The following CRK variants were observed in gnomAD, a reference collection of about 807,000 sequenced individuals.
The protein encoded by CRK is CRK proto-oncogene, adaptor protein.
Under a neutral mutation model 29.8 loss-of-function variants are expected in CRK, and 4 were observed. The ratio of observed to expected loss-of-function variants is 0.13; its 90% CI spans 0.07 to 0.31. The LOEUF (loss-of-function observed/expected upper bound fraction) is 0.31. Among genes scored for constraint, CRK ranks in the 10% least tolerant of loss-of-function variants. CRK has a pLI of 1.00. For missense variants in CRK, 274 were observed against 396.5 expected (o/e 0.69, Z 2.62); for synonymous variants, 153 against 164.9 (o/e 0.93, Z 0.55).
intron 2 of CRK, among the ~76,000 whole-genome samples, chr17:1,425,701 G>A (rs1019577521): frequency 1.2e-4 from 18 of 152,214 alleles, no homozygotes; most frequent in African/African-American, 2.9e-4. Flanking sequence ...AAGTCCAGCC[G>A]CAGGGCCTCT....
intron 1 of CRK, among the ~76,000 whole-genome samples, chr17:1,439,383 G>A (rs903602137): frequency 3.3e-5 from 5 of 152,070 alleles, no homozygotes; most frequent in African/African-American, 1.2e-4. Context: ...TTACAGGTGT[G>A]GGCCACTGCA....
rs529265763 is a variant in CRK, at chr17:1,434,392, C to T, written c.777+2228G>A. ...TGGTTCTGGTGTGAGTCACAAAGAT[C>T]TCTAGCTCAACTGATAATGCCTGAA... On this transcript the variant is annotated intron_variant, in intron 2 of 2. Transcript: ENST00000300574. Among the ~76,000 whole-genome samples, 16 of 152,284 alleles carry T rather than the reference C, an allele frequency of 1.1e-4. No homozygotes were observed. In the South Asian group the frequency reaches 3.1e-3, roughly 30 times the overall value.
intron 1 of CRK, among the ~76,000 whole-genome samples, chr17:1,451,319 C>T (rs1182546855): frequency 6.6e-6 from 1 of 151,884 alleles, no homozygotes; most frequent in Non-Finnish European, 1.5e-5. Context: ...CAACCTCTGC[C>T]TCCGGGGTTC....
intron 1 of CRK, among the ~76,000 whole-genome samples, chr17:1,453,992 G>T (rs1043017986): frequency 1.3e-5 from 2 of 152,114 alleles, no homozygotes; most frequent in Non-Finnish European, 2.9e-5. Context: ...CCTGAGATCA[G>T]GAGTTCAAGA....
chr17:1,447,839 A>G (rs1219193974), intron 1 of CRK, among the ~76,000 whole-genome samples: 3 of 151,246 alleles, frequency 2.0e-5, no homozygotes, highest in Non-Finnish European at 4.4e-5. Context: ...CTGGTCTCGA[A>G]CTCCTGACCT....
chr17:1,453,904 G>A (rs909450225), intron 1 of CRK, among the ~76,000 whole-genome samples: 2 of 145,738 alleles, frequency 1.4e-5, no homozygotes, highest in Non-Finnish European at 3.0e-5. Flanking sequence ...GCGAAACTCC[G>A]CCTCAAACAA....
intron 1 of CRK, among the ~76,000 whole-genome samples, chr17:1,439,976 A>G (rs1413732842): frequency 6.6e-6 from 1 of 152,118 alleles, no homozygotes; most frequent in African/African-American, 2.4e-5. Context: ...AACACAGCCA[A>G]GACCTCATCA....
At chr17:1,444,768 G>A (rs2073961708) in intron 1 of CRK, among the ~76,000 whole-genome samples, 1 of 151,052 alleles carries the variant, frequency 6.6e-6, no homozygotes, top group African/African-American at 2.4e-5. Flanking sequence ...GGGAGGTGGA[G>A]GCTGCGGTGA....
In CRK at chr17:1,424,067, G is replaced by GTTTT. The variant is rs58338503; in HGVS notation, c.778-421_778-418dup. Among the ~76,000 whole-genome samples, 541 of 109,722 alleles carry GTTTT rather than the reference G, an allele frequency of 4.9e-3. 13 individuals carry two copies. Among genetic ancestry groups the GTTTT allele is most frequent in the Non-Finnish European group, 6.4e-3 (357 of 56,206 alleles). 72.0% of individuals were successfully genotyped at this position (109,722 alleles called of 152,430 possible). A position where few individuals can be genotyped will look rare whatever the true frequency, so the allele number is the denominator to read the frequency against. On this transcript the variant is annotated intron_variant, in intron 2 of 2. Transcript: ENST00000300574. ...TGTCCGAGGAGAAGCAGCTTTCTCCGTTTTTTTTTTTTTTTTTTTTTGAGA... is the reference window on the plus strand; with the variant it reads ...TGTCCGAGGAGAAGCAGCTTTCTCCGTTTTTTTTTTTTTTTTTTTTTTTTTGAGA...
At position 1,456,019 on chromosome 17, in the gene CRK, C is replaced by G. The variant is rs1209309279; in HGVS notation, c.99G>C (p.Gly33=). The change falls in exon 1 of 3, where the codon GGG becomes GGC. Residue 33 remains glycine, a synonymous_variant. Coordinates refer to ENST00000300574, the MANE Select transcript of CRK (RefSeq NM_016823.4). ...TGCTCGAGTCCCGCACCAGGAACAC[C>G]CCGTGCCGCTGGCCCTGCAGCAGCG... is the stretch of plus-strand genomic sequence containing the variant. The part of the protein sequence containing the change: ...AVALLQGQRH[G]VFLVRDSSTS... The G allele has an allele frequency of 1.1e-5, 17 of 1,597,642 alleles. No individual in the cohort carries two copies. The highest frequency in any genetic ancestry group is 1.4e-5 in the Non-Finnish European group (16 of 1,173,924).
At chr17:1,450,879 T>A (rs181929366) in intron 1 of CRK, among the ~76,000 whole-genome samples, 2 of 150,040 alleles carry the variant, frequency 1.3e-5, no homozygotes, top group Admixed American at 1.3e-4. Context: ...AGAGCGAAAC[T>A]CCCTCTCAAA....
Position 1,436,762 on chromosome 17 carries a change from G to A in CRK, c.635C>T (p.Pro212Leu), listed in dbSNP as rs765599295. ...GGNQEGSHPQ[P>L]LGGPEPGPYA... Reference sequence around the variant, plus strand: ...GGGCCCAGGCTCCGGCCCACCCAGTGGCTGTGGGTGGGAACCCTCCTGGTT... The same window carrying A: ...GGGCCCAGGCTCCGGCCCACCCAGTAGCTGTGGGTGGGAACCCTCCTGGTT... Residue 212 changes from proline (P) to leucine (L), a missense_variant, in exon 2 of 3, where the codon CCA becomes CTA. Pro to Leu is a moderately conservative substitution (Grantham distance 98). This residue lies in a region of CRK where 121 missense variants were observed against 154.3 expected (regional missense o/e 0.78). Coordinates refer to ENST00000300574, the MANE Select transcript of CRK (RefSeq NM_016823.4). 4.4e-6 allele frequency: 7 copies of A among 1,588,078 alleles called. No homozygotes were observed. In the Admixed American group the frequency reaches 1.1e-4, roughly 25 times the overall value.
rs1490963705 is a variant in CRK, at chr17:1,436,796, T to G, written c.601A>C (p.Ile201Leu). The change falls in exon 2 of 3, where the codon ATT (isoleucine) becomes CTT (leucine). Residue 201 changes from isoleucine (I) to leucine (L), a missense_variant. Ile to Leu is a conservative substitution (Grantham distance 5). This residue lies in a region of CRK where 121 missense variants were observed against 154.3 expected (regional missense o/e 0.78). Coordinates refer to ENST00000300574, the MANE Select transcript of CRK (RefSeq NM_016823.4). ...TGGGAACCCTCCTGGTTACCTCCAA[T>G]CAGAGCCGATACTGAGGCGGAGGCA... ...RPASASVSAL[I>L]GGNQEGSHPQ... 3 of 1,582,304 alleles carry G rather than the reference T, an allele frequency of 1.9e-6. No homozygotes were observed. In the East Asian group the frequency reaches 6.7e-5, roughly 35 times the overall value.
rs2073730456 is a variant in CRK at position 1,422,051 on chromosome 17, A to G, written c.*1462T>C. 1 of 152,224 alleles carries G rather than the reference A, an allele frequency of 6.6e-6. No individual in the cohort carries two copies. Among genetic ancestry groups the G allele is most frequent in the African/African-American group, 2.4e-5 (1 of 41,464 alleles). The allele number at this position is 152,224 out of a possible 1,614,324, so 9.4% of individuals were successfully genotyped here. On this transcript the variant is annotated 3_prime_UTR_variant, in exon 3 of 3. Coordinates refer to ENST00000300574, the MANE Select transcript of CRK (RefSeq NM_016823.4). ...AAACCTGAACATAAACAAAGAGCCAAAAATGAAGGCAGTTTACAATGTAAT... is the reference window on the plus strand; with the variant it reads ...AAACCTGAACATAAACAAAGAGCCAGAAATGAAGGCAGTTTACAATGTAAT...
At chr17:1,436,569 G>C in intron 2 of CRK, 51 bp downstream of exon 2, 1 of 1,538,714 alleles carries the variant, frequency 6.5e-7, no homozygotes, top group Non-Finnish European at 8.7e-7. Context: ...AGAGGACCGA[G>C]AGGAGACCCT....
chr17:1,435,859 AAAAG>A (rs2073882418), intron 2 of CRK, among the ~76,000 whole-genome samples: 1 of 151,994 alleles, frequency 6.6e-6, no homozygotes, highest in Non-Finnish European at 1.5e-5. Context: ...AATTCTTCTG[AAAAG>A]AAAGGAAGGG....
At chr17:1,439,428 C>T (rs1234886599) in intron 1 of CRK, among the ~76,000 whole-genome samples, 2 of 152,060 alleles carry the variant, frequency 1.3e-5, no homozygotes, top group Non-Finnish European at 2.9e-5. Context: ...GAATGCAAAC[C>T]TTTAACTCCC....
chr17:1,440,743 C>G (rs1024526540), intron 1 of CRK, among the ~76,000 whole-genome samples: 5 of 151,660 alleles, frequency 3.3e-5, no homozygotes, highest in Non-Finnish European at 7.4e-5. Context: ...AACAAACAAA[C>G]AAAAAAACCA....
intron 1 of CRK, among the ~76,000 whole-genome samples, chr17:1,448,025 C>T (rs555896854): frequency 9.2e-5 from 14 of 152,248 alleles, no homozygotes; most frequent in Admixed American, 7.9e-4. Flanking sequence ...GCTAAAAAGG[C>T]CACTGGCTCG....
Sources: gnomAD v4.1 joint callset for allele counts (sites outside exome capture counted in the v4.1 genomes callset) on GRCh38, gnomAD v4.1.1 for gene constraint, gnomAD v4.1.1 regional missense constraint, MANE v1.5 for transcripts, NCBI Gene and HGNC (gene_info 2026-07-23, HGNC 2026-07-21) for gene names.